The following AKAIN1 variants were observed in gnomAD, a reference collection of about 807,000 sequenced individuals.
AKAIN1 encodes the protein A-kinase anchor protein inhibitor 1.
In AKAIN1, 3 loss-of-function variants were observed where a neutral mutation model predicts 3.7. The observed-to-expected ratio is 0.82, with a 90% CI of 0.37 to 2.12. AKAIN1 has a LOEUF of 2.12. Ranked by LOEUF, AKAIN1 falls within the 30% of genes most tolerant of loss-of-function variation. The probability of loss-of-function intolerance (pLI) is 0.06; values close to 1 mark genes in which losing one functional copy is unlikely to be tolerated. For missense variants in AKAIN1, 82 were observed against 82.7 expected, an observed-to-expected ratio of 0.99 and a Z score of 0.03; for synonymous variants, 31 against 30.8, an observed-to-expected ratio of 1.01 and a Z score of -0.02.
In AKAIN1 at chr18:5,145,162, C is replaced by T. The variant is rs429311; in HGVS notation, c.*400G>A. The T allele has an allele frequency of 0.72, 111,367 of 155,744 alleles. 41,338 individuals are homozygous for T. The highest frequency in any genetic ancestry group is 0.91 in the African/African-American group (37,887 of 41,610). 9.6% of individuals were successfully genotyped at this position (155,744 alleles called of 1,614,324 possible). A position where few individuals can be genotyped will look rare whatever the true frequency, so the allele number is the denominator to read the frequency against. ...CTTTCTAGCATGTCTTTTTAATATA[C>T]CATAAAGAACTCAGTACTGTATTCA... On this transcript the variant is annotated 3_prime_UTR_variant, in exon 2 of 2. Coordinates refer to ENST00000434239, the MANE Select transcript of AKAIN1 (RefSeq NM_001145194.2).
chr18:5,155,776 C>T (rs186436312), intron 1 of AKAIN1, among the ~76,000 whole-genome samples: 51 of 152,234 alleles, frequency 3.4e-4, no homozygotes, highest in African/African-American at 1.2e-3. Flanking sequence ...GTACCAAGGT[C>T]CTAATAGAAT....
chr18:5,192,848 G>A (rs116316510), intron 1 of AKAIN1, among the ~76,000 whole-genome samples: 2,267 of 152,180 alleles, frequency 0.015, 53 homozygotes, highest in African/African-American at 0.053. Flanking sequence ...GAAAAACTAA[G>A]TGCAATGAAA....
At chr18:5,167,289 A>G (rs946764274) in intron 1 of AKAIN1, among the ~76,000 whole-genome samples, 1 of 152,076 alleles carries the variant, frequency 6.6e-6, no homozygotes, top group Non-Finnish European at 1.5e-5. Flanking sequence ...AATGACCCCT[A>G]CACATTCACA....
intron 1 of AKAIN1, among the ~76,000 whole-genome samples, chr18:5,180,514 T>C (rs9956598): frequency 0.071 from 10,751 of 152,180 alleles, 468 homozygotes; most frequent in African/African-American, 0.11. Flanking sequence ...CAACAAAGAA[T>C]GGCAAGATAA....
intron 1 of AKAIN1, among the ~76,000 whole-genome samples, chr18:5,163,509 TG>T (rs2071151042): frequency 6.6e-6 from 1 of 152,102 alleles, no homozygotes; most frequent in African/African-American, 2.4e-5. Flanking sequence ...TTTGACTTGT[TG>T]AGAGATAGAA....
chr18:5,155,698 G>A (rs1251301066), intron 1 of AKAIN1, among the ~76,000 whole-genome samples: 1 of 152,194 alleles, frequency 6.6e-6, no homozygotes, highest in East Asian at 1.9e-4. Context: ...CCCAGATGCA[G>A]GAGTCTGCTA....
At chr18:5,197,298 C>G, upstream of AKAIN1, 1 of 1,364,216 alleles carries the variant, frequency 7.3e-7, no homozygotes, top group South Asian at 1.8e-5. This position sits in a 1 kb window ranked among gnomAD's most constrained non-coding sequence, Gnocchi z 6.9. Context: ...TGAATCCCCG[C>G]TCAGTCCATC....
chr18:5,168,256 G>C (rs2143342757), intron 1 of AKAIN1, among the ~76,000 whole-genome samples: 1 of 152,248 alleles, frequency 6.6e-6, no homozygotes, highest in Non-Finnish European at 1.5e-5. Context: ...TAGCAGAGCA[G>C]AGGGAAGCAA....
At chr18:5,197,326 C>A (rs1227908090), upstream of AKAIN1, 2 of 1,316,568 alleles carry the variant, frequency 1.5e-6, no homozygotes, top group Non-Finnish European at 1.9e-6. This position sits in a 1 kb window ranked among gnomAD's most constrained non-coding sequence, Gnocchi z 6.9. Context: ...CCTGTGCCAG[C>A]TCGGCGACGT....
At chr18:5,170,969 C>G (rs1278283613) in intron 1 of AKAIN1, 1 of 152,172 alleles carries the variant, frequency 6.6e-6, no homozygotes, top group Admixed American at 6.6e-5. Flanking sequence ...GAACAAGCCT[C>G]TAGATGACTC....
At chr18:5,162,674 G>T (rs2071146788) in intron 1 of AKAIN1, among the ~76,000 whole-genome samples, 1 of 150,328 alleles carries the variant, frequency 6.7e-6, no homozygotes, top group Admixed American at 6.7e-5. Flanking sequence ...GTAGCTGCTG[G>T]GCTGATTTCA....
At chr18:5,174,244 T>C (rs1385058143) in intron 1 of AKAIN1, among the ~76,000 whole-genome samples, 1 of 152,104 alleles carries the variant, frequency 6.6e-6, no homozygotes, top group Non-Finnish European at 1.5e-5. Flanking sequence ...CCCTAAGTCC[T>C]GTGCTGTGGA....
chr18:5,175,384 A>T (rs2071220454), intron 1 of AKAIN1, among the ~76,000 whole-genome samples: 1 of 152,198 alleles, frequency 6.6e-6, no homozygotes, highest in African/African-American at 2.4e-5. Flanking sequence ...ACTTGCTTAG[A>T]ACACGAAAAG....
intron 1 of AKAIN1, among the ~76,000 whole-genome samples, chr18:5,190,691 G>C (rs918147976): frequency 3.3e-5 from 5 of 152,138 alleles, no homozygotes; most frequent in Non-Finnish European, 7.4e-5. Context: ...CTAGAGGCTA[G>C]GAAGTCCAAG....
intron 1 of AKAIN1, among the ~76,000 whole-genome samples, chr18:5,189,044 T>C (rs1015898444): frequency 6.6e-6 from 1 of 152,194 alleles, no homozygotes; most frequent in Admixed American, 6.5e-5. Context: ...GCTTGTACCT[T>C]TTAGAGCAGC....
intron 1 of AKAIN1, among the ~76,000 whole-genome samples, chr18:5,191,769 G>A (rs554126526): frequency 6.6e-6 from 1 of 152,042 alleles, no homozygotes; most frequent in Non-Finnish European, 1.5e-5. Context: ...AAAATGCTAA[G>A]GGCAAGAAGC....
At chr18:5,160,709 C>T (rs1470354158) in intron 1 of AKAIN1, among the ~76,000 whole-genome samples, 1 of 152,006 alleles carries the variant, frequency 6.6e-6, no homozygotes, top group Non-Finnish European at 1.5e-5. Flanking sequence ...GTACTTTAAT[C>T]CAGTTGGAAT....
At chr18:5,171,550 A>T (rs539355122) in intron 1 of AKAIN1, among the ~76,000 whole-genome samples, 1 of 152,196 alleles carries the variant, frequency 6.6e-6, no homozygotes, top group African/African-American at 2.4e-5. Flanking sequence ...ACAGTTCTCA[A>T]AAGAAGACAT....
chr18:5,157,823 T>C (rs956402050), intron 1 of AKAIN1, among the ~76,000 whole-genome samples: 1 of 152,146 alleles, frequency 6.6e-6, no homozygotes, highest in Non-Finnish European at 1.5e-5. Flanking sequence ...TAGCTGGGAC[T>C]ACAGGTGCAT....
Sources: allele counts gnomAD v4.1 joint callset (sites outside exome capture counted in the v4.1 genomes callset), GRCh38; gene constraint gnomAD v4.1.1; non-coding constraint Gnocchi (gnomAD v3.1); transcripts MANE v1.5; gene names NCBI Gene and HGNC (gene_info 2026-07-23, HGNC 2026-07-21).